The following RAF1 variants were observed in gnomAD, a reference collection of about 807,000 sequenced individuals.
RAF1 encodes the protein RAF proto-oncogene serine/threonine-protein kinase.
In RAF1, 27 loss-of-function variants were observed where a neutral mutation model predicts 81.1. That is an observed-to-expected ratio of 0.33 (90% confidence interval 0.25 to 0.46). The LOEUF is 0.46. Ranked by LOEUF, RAF1 falls within the 20% of genes least tolerant of loss-of-function variation. RAF1 has a pLI of 1.00. For synonymous variants in RAF1, 298 were observed against 294.0 expected (o/e 1.01, Z -0.14); for missense variants, 598 against 826.0 (o/e 0.72, Z 3.38).
intron 1 of RAF1, among the ~76,000 whole-genome samples, chr3:12,656,739 G>A (rs1379866821): frequency 1.3e-5 from 2 of 152,148 alleles, no homozygotes; most frequent in Admixed American, 1.3e-4. Context: ...GCTCACACCT[G>A]TAATCCCAGC....
chr3:12,609,202 A>C (rs757245046), intron 4 of RAF1, 31 bp downstream of exon 4: 1 of 1,509,270 alleles, frequency 6.6e-7, no homozygotes. Context: ...AGCCCTCAAC[A>C]TGCCAGAAAG....
chr3:12,591,065 T>TCGACACCACCCCCAGTCC lies in RAF1; in HGVS notation c.1254-109_1254-92dup, dbSNP rs2058501081. 3.2e-6 allele frequency: 4 copies of TCGACACCACCCCCAGTCC among 1,239,384 alleles called. No individual in the cohort carries two copies. The Admixed American group carries it at 8.6e-5, about 27-fold the overall frequency. The allele number at this position is 1,239,384 out of a possible 1,614,324, so 76.8% of individuals were successfully genotyped here. A position where few individuals can be genotyped will look rare whatever the true frequency, so the allele number is the denominator to read the frequency against. The stretch of plus-strand genomic sequence containing the variant: ...CCCGTGGACAGTGGGTTCTGTGCTG[T>TCGACACCACCCCCAGTCC]CGACACCACCCCCAGTCCCAACACC... On this transcript the variant is annotated intron_variant, in intron 12 of 17. Transcript: ENST00000442415.
At chr3:12,658,088 C>T (rs1466387141) in intron 1 of RAF1, among the ~76,000 whole-genome samples, 1 of 152,234 alleles carries the variant, frequency 6.6e-6, no homozygotes, top group East Asian at 1.9e-4. Flanking sequence ...CTTTTTATTA[C>T]TGAGTAACAT....
intron 1 of RAF1, among the ~76,000 whole-genome samples, chr3:12,631,318 G>A (rs2059852743): frequency 6.6e-6 from 1 of 152,166 alleles, no homozygotes; most frequent in Admixed American, 6.5e-5. Context: ...TTCAATAGTG[G>A]CCAGGCGCAG....
At chr3:12,590,433 TC>T (rs11327129) in intron 13 of RAF1, 247,657 of 247,658 alleles carry the variant, frequency 1, 123,828 homozygotes, top group Middle Eastern at 1. Context: ...CAAGCGATTC[TC>T]CCTGTCCCAG....
rs753465072 is a variant in RAF1 at position 12,599,824 on chromosome 3, A to T, written c.1051-16T>A. On this transcript the variant is annotated splice_polypyrimidine_tract_variant and intron_variant, in intron 10 of 17. Transcript: ENST00000442415. Reference sequence around the variant, plus strand: ...CACGAGGCCTCTGAAACAAGTAGAGATCATTATTATACTCCATGCAATGGT... The same window carrying T: ...CACGAGGCCTCTGAAACAAGTAGAGTTCATTATTATACTCCATGCAATGGT... 3 of 1,562,150 alleles carry T rather than the reference A, an allele frequency of 1.9e-6. No homozygotes were observed. The highest frequency in any genetic ancestry group is 3.3e-5 in the Admixed American group (2 of 59,928).
Position 12,590,713 on chromosome 3 carries a change from C to T in RAF1, c.1430+85G>A, listed in dbSNP as rs991869271. The T allele has an allele frequency of 7.0e-6, 10 of 1,429,924 alleles. No homozygotes were observed. In the Admixed American group the frequency reaches 1.7e-4, roughly 24 times the overall value. The allele number at this position is 1,429,924 out of a possible 1,614,324, so 88.6% of individuals were successfully genotyped here. On this transcript the variant is annotated intron_variant, in intron 13 of 17. Coordinates refer to ENST00000442415, the MANE Select transcript of RAF1 (RefSeq NM_001354689.3). Reference sequence around the variant, plus strand: ...AGATATCACAGAATCGCTTAATGGACTAGAAGGCTTTTCCTGATCCTGGTT... The same window carrying T: ...AGATATCACAGAATCGCTTAATGGATTAGAAGGCTTTTCCTGATCCTGGTT...
chr3:12,649,108 C>T (rs193139979), intron 1 of RAF1, among the ~76,000 whole-genome samples: 1 of 151,974 alleles, frequency 6.6e-6, no homozygotes, highest in Non-Finnish European at 1.5e-5. Context: ...GAGCAAAACT[C>T]AGTCTCAGAA....
rs764906530 is a variant in RAF1, at chr3:12,587,581, C to T, written c.1477+10G>A. 6 of 1,605,124 alleles carry T rather than the reference C, an allele frequency of 3.7e-6. No homozygotes were observed. In the East Asian group the frequency reaches 1.3e-4, roughly 36 times the overall value. ...CGAGCAGTCAAATGAACTCAACAACCAAAGGATACTGTTGGATTTCATGTC... is the reference window on the plus strand; with the variant it reads ...CGAGCAGTCAAATGAACTCAACAACTAAAGGATACTGTTGGATTTCATGTC... On this transcript the variant is annotated intron_variant, in intron 14 of 17. Transcript: ENST00000442415.
At chr3:12,654,365 G>C (rs2060621851) in intron 1 of RAF1, among the ~76,000 whole-genome samples, 1 of 151,880 alleles carries the variant, frequency 6.6e-6, no homozygotes, top group Admixed American at 6.6e-5. Context: ...ATTTTGGGAG[G>C]CCAAGGCGGG....
At chr3:12,623,078 T>C (rs2059597483) in intron 1 of RAF1, among the ~76,000 whole-genome samples, 1 of 152,198 alleles carries the variant, frequency 6.6e-6, no homozygotes, top group Non-Finnish European at 1.5e-5. Context: ...TTATTTTTTA[T>C]ATAGATATAT....
Position 12,585,572 on chromosome 3 carries a change from A to T in RAF1, c.1596+109T>A, listed in dbSNP as rs1017461385. The T allele has an allele frequency of 5.9e-6, 8 of 1,352,694 alleles. No homozygotes were observed. The Admixed American group carries it at 1.4e-4, about 24-fold the overall frequency. The allele number at this position is 1,352,694 out of a possible 1,614,324, so 83.8% of individuals were successfully genotyped here. On this transcript the variant is annotated intron_variant, in intron 15 of 17. Transcript: ENST00000442415. Reference sequence around the variant, plus strand: ...CTGAGGCTGGCTGTCACTAGGGGTCATGTGGATTTCGGGGAAATGTACAGA... The same window carrying T: ...CTGAGGCTGGCTGTCACTAGGGGTCTTGTGGATTTCGGGGAAATGTACAGA...
At chr3:12,611,565 T>C (rs539840164) in intron 3 of RAF1, among the ~76,000 whole-genome samples, 1 of 152,050 alleles carries the variant, frequency 6.6e-6, no homozygotes, top group African/African-American at 2.4e-5. Flanking sequence ...CCGGGCGCGG[T>C]GGTGGGCGCC....
chr3:12,660,523 A>G (rs150192837), intron 1 of RAF1, among the ~76,000 whole-genome samples: 3 of 152,082 alleles, frequency 2.0e-5, no homozygotes, highest in African/African-American at 7.2e-5. Context: ...CATGTTGCCC[A>G]GGCTGGTCTC....
chr3:12,620,066 A>G (rs899811411), intron 1 of RAF1, among the ~76,000 whole-genome samples: 3 of 152,126 alleles, frequency 2.0e-5, no homozygotes, highest in African/African-American at 4.8e-5. Context: ...TGGGGGACAG[A>G]GCAAGACTCC....
intron 1 of RAF1, among the ~76,000 whole-genome samples, chr3:12,619,329 CGAGGCCAGCGCATCACTT>C (rs1401384246): frequency 1.3e-5 from 2 of 152,010 alleles, no homozygotes; most frequent in African/African-American, 4.8e-5. Context: ...TTTGGGAGGC[CGAGGCCAGCGCATCACTT>C]GAGGCCAGGA....
chr3:12,653,302 T>C (rs1057183315), intron 1 of RAF1, among the ~76,000 whole-genome samples: 3 of 152,102 alleles, frequency 2.0e-5, no homozygotes, highest in Non-Finnish European at 4.4e-5. Flanking sequence ...AAACCTGTTG[T>C]ACAAACTATA....
intron 1 of RAF1, among the ~76,000 whole-genome samples, chr3:12,641,782 G>A (rs184613373): frequency 4.6e-5 from 7 of 152,136 alleles, no homozygotes; most frequent in East Asian, 3.9e-4. Context: ...GTGAACCACC[G>A]TACCCGGCCC....
rs564572418 is a variant in RAF1, at chr3:12,583,616, A to G, written c.*898T>C. On this transcript the variant is annotated 3_prime_UTR_variant, in exon 18 of 18. Coordinates refer to ENST00000442415, the MANE Select transcript of RAF1 (RefSeq NM_001354689.3). Reference sequence around the variant, plus strand: ...CAGCCAGCCATTACACCTAAATTTAATTTATTTTATTAAAATAACATAATT... The same window carrying G: ...CAGCCAGCCATTACACCTAAATTTAGTTTATTTTATTAAAATAACATAATT... 4.3e-6 allele frequency: 1 copy of G among 231,914 alleles called. No homozygotes were observed. Among genetic ancestry groups the G allele is most frequent in the Admixed American group, 5.6e-5 (1 of 17,760 alleles). The allele number at this position is 231,914 out of a possible 1,614,324, so 14.4% of individuals were successfully genotyped here. A position where few individuals can be genotyped will look rare whatever the true frequency, so the allele number is the denominator to read the frequency against.
Sources: allele counts gnomAD v4.1 joint callset (sites outside exome capture counted in the v4.1 genomes callset), GRCh38; gene constraint gnomAD v4.1.1; transcripts MANE v1.5; gene names NCBI Gene and HGNC (gene_info 2026-07-23, HGNC 2026-07-21).